Variants in WSCD2 observed in about 807,000 individuals in gnomAD.
WSCD2 encodes WSC domain sialate O sulfotransferase 2, also known as sialate:O-sulfotransferase 2.
Under a neutral mutation model 55.7 loss-of-function variants are expected in WSCD2, and 28 were observed. That is an observed-to-expected ratio of 0.50 (90% CI 0.37 to 0.69). The LOEUF is 0.69. WSCD2 is among the 30% of genes least tolerant of loss of function. WSCD2 has a pLI of 0.00. For synonymous variants in WSCD2, 301 were observed against 301.9 expected, an observed-to-expected ratio of 1.00 and a Z score of 0.03; for missense variants, 616 against 762.1, an observed-to-expected ratio of 0.81 and a Z score of 2.26.
At chr12:108,244,392 T>C (rs1282783576) in intron 8 of WSCD2, 3 of 662,878 alleles carry the variant, frequency 4.5e-6, no homozygotes, top group Non-Finnish European at 8.4e-6. Context: ...GGATATCTAT[T>C]GTGCTTTTGG....
At chr12:108,199,243 A>AT (rs59849892) in intron 2 of WSCD2, among the ~76,000 whole-genome samples, 5,202 of 152,230 alleles carry the variant, frequency 0.034, 217 homozygotes, top group East Asian at 0.15. Context: ...CGCTAAACTC[A>AT]TTTTGTTTTC....
chr12:108,175,828 TTTTTCTTTTC>T (rs369324023), intron 1 of WSCD2, among the ~76,000 whole-genome samples: 1 of 152,118 alleles, frequency 6.6e-6, no homozygotes, highest in Non-Finnish European at 1.5e-5. Context: ...TTACATGGCA[TTTTTCTTTTC>T]TTTTCTTTTC....
chr12:108,185,053 G>GA (rs1882282134), intron 1 of WSCD2, among the ~76,000 whole-genome samples: 1 of 152,148 alleles, frequency 6.6e-6, no homozygotes, highest in South Asian at 2.1e-4. Flanking sequence ...TTAAGGGTCA[G>GA]CAAATACTTT....
intron 1 of WSCD2, among the ~76,000 whole-genome samples, chr12:108,176,074 C>T (rs1004465505): frequency 2.6e-5 from 4 of 152,220 alleles, no homozygotes; most frequent in Admixed American, 6.5e-5. Context: ...CTCCTGACCT[C>T]ATGATCCGCC....
chr12:108,219,875 T>C (rs1487900698), intron 4 of WSCD2, among the ~76,000 whole-genome samples: 2 of 152,194 alleles, frequency 1.3e-5, no homozygotes. Flanking sequence ...TGGTGGCAGG[T>C]TAACAATTTG....
chr12:108,170,100 G>T (rs541184192), intron 1 of WSCD2, among the ~76,000 whole-genome samples: 1 of 152,312 alleles, frequency 6.6e-6, no homozygotes, highest in East Asian at 1.9e-4. Flanking sequence ...CTGTATGCTG[G>T]CAGTGTTCTG....
intron 7 of WSCD2, among the ~76,000 whole-genome samples, chr12:108,238,018 T>C (rs1357351282): frequency 6.6e-6 from 1 of 152,202 alleles, no homozygotes; most frequent in Non-Finnish European, 1.5e-5. Flanking sequence ...TATAGTGAAA[T>C]AGATTTTGGT....
At chr12:108,217,945 C>T (rs998395341) in intron 4 of WSCD2, among the ~76,000 whole-genome samples, 58 of 52,618 alleles carry the variant, frequency 1.1e-3, no homozygotes, top group African/African-American at 3.0e-3. Context: ...AGCTTCCTTC[C>T]TCTTCCTACT....
chr12:108,160,276 T>A (rs1442658655), intron 1 of WSCD2, among the ~76,000 whole-genome samples: 2 of 152,218 alleles, frequency 1.3e-5, no homozygotes, highest in Admixed American at 1.3e-4. Flanking sequence ...CCACCTTAGT[T>A]ACTCTGTAGC....
chr12:108,235,030 A>C (rs2137205775), intron 7 of WSCD2, among the ~76,000 whole-genome samples: 1 of 152,282 alleles, frequency 6.6e-6, no homozygotes, highest in African/African-American at 2.4e-5. Flanking sequence ...TCAACCTCCT[A>C]ACTTCAGAGA....
chr12:108,233,346 T>C (rs12423818), intron 7 of WSCD2, among the ~76,000 whole-genome samples: 16 of 152,218 alleles, frequency 1.1e-4, no homozygotes, highest in Admixed American at 1.0e-3. Context: ...AAGTCGACAA[T>C]ATTCGCTATG....
chr12:108,235,937 C>A (rs1398240689), intron 7 of WSCD2, among the ~76,000 whole-genome samples: 1 of 152,176 alleles, frequency 6.6e-6, no homozygotes, highest in African/African-American at 2.4e-5. Context: ...TCTAGCTAAC[C>A]CTGCCCAGTC....
Position 108,248,042 on chromosome 12 carries a change from T to C in WSCD2, c.1397T>C (p.Leu466Pro), listed in dbSNP as rs1166136103. 6.2e-7 allele frequency: 1 copy of C among 1,614,198 alleles called. No homozygotes were observed. The highest frequency in any genetic ancestry group is 8.5e-7 in the Non-Finnish European group (1 of 1,180,038). The change falls in exon 9 of 9, where the codon CTG (leucine) becomes CCG (proline). Residue 466 changes from leucine (L) to proline (P), a missense_variant. Physicochemically the swap from Leu to Pro is moderately conservative, Grantham distance 98. Coordinates refer to ENST00000547525, the MANE Select transcript of WSCD2 (RefSeq NM_014653.4). This position sits in a 1 kb window ranked among gnomAD's most constrained non-coding sequence, Gnocchi z 4.3. ...NYAPWWATHT[L>P]DWLKFGKKVL... ...GCCCCGTGGTGGGCCACTCACACACTGGACTGGCTCAAGTTTGGCAAGAAG... is the reference window on the plus strand; with the variant it reads ...GCCCCGTGGTGGGCCACTCACACACCGGACTGGCTCAAGTTTGGCAAGAAG...
At position 108,210,323 on chromosome 12, in the gene WSCD2, G is replaced by A. The variant is rs1230127495; in HGVS notation, c.682+18G>A. On this transcript the variant is annotated intron_variant, in intron 4 of 8. Transcript: ENST00000547525. The surrounding 1 kb of genome is among the most constrained non-coding windows in gnomAD (Gnocchi z 4.3). The stretch of plus-strand genomic sequence containing the variant: ...CCGCAGGTGTACGTGAGTCTGCCCT[G>A]CCCCTCTCTGCTGCTCCTCCCTCAG... 6.5e-7 allele frequency: 1 copy of A among 1,549,164 alleles called. No homozygotes were observed. The highest frequency in any genetic ancestry group is 8.7e-7 in the Non-Finnish European group (1 of 1,151,912).
chr12:108,234,586 G>C (rs1459392299), intron 7 of WSCD2, among the ~76,000 whole-genome samples: 3 of 152,224 alleles, frequency 2.0e-5, no homozygotes, highest in Non-Finnish European at 4.4e-5. Context: ...ACCCAGGGCT[G>C]GCTGTCAGCA....
intron 2 of WSCD2, among the ~76,000 whole-genome samples, chr12:108,202,857 G>C (rs1253302717): frequency 1.3e-5 from 2 of 152,178 alleles, no homozygotes; most frequent in African/African-American, 2.4e-5. Flanking sequence ...TTAAAATAAA[G>C]CTTAAAAAGA....
At chr12:108,162,574 C>T (rs1390004074) in intron 1 of WSCD2, among the ~76,000 whole-genome samples, 1 of 152,224 alleles carries the variant, frequency 6.6e-6, no homozygotes, top group African/African-American at 2.4e-5. Context: ...TCCCAAAGTG[C>T]CAAGGAAATT....
chr12:108,143,881 G>C (rs1213388595), intron 1 of WSCD2, among the ~76,000 whole-genome samples: 1 of 152,156 alleles, frequency 6.6e-6, no homozygotes, highest in Non-Finnish European at 1.5e-5. Context: ...ATGCAGGGGG[G>C]CGGTCACAAA....
At chr12:108,140,961 G>A (rs971165657) in intron 1 of WSCD2, among the ~76,000 whole-genome samples, 5 of 152,250 alleles carry the variant, frequency 3.3e-5, no homozygotes, top group East Asian at 1.9e-4. Flanking sequence ...CAGCGTGAGC[G>A]GATGAGTTCC....
Sources: allele counts gnomAD v4.1 joint callset (sites outside exome capture counted in the v4.1 genomes callset), GRCh38; gene constraint gnomAD v4.1.1; non-coding constraint Gnocchi (gnomAD v3.1); transcripts MANE v1.5; gene names NCBI Gene and HGNC (gene_info 2026-07-23, HGNC 2026-07-21).